Variants in FAT3 observed in about 807,000 individuals in gnomAD.
FAT3 encodes the protein protocadherin Fat 3.
A neutral mutation model predicts 310.2 loss-of-function variants in FAT3; 95 were observed. That is an observed-to-expected ratio of 0.31 (90% confidence interval 0.26 to 0.36). The LOEUF is 0.36. Among genes scored for constraint, FAT3 ranks in the 10% least tolerant of loss-of-function variants. The probability of loss-of-function intolerance (pLI) is 1.00; values close to 1 mark genes in which losing one functional copy is unlikely to be tolerated. For synonymous variants in FAT3, 2,314 were observed against 2,192.9 expected, an observed-to-expected ratio of 1.06 and a Z score of -1.54; for missense variants, 5,408 against 5,715.6, an observed-to-expected ratio of 0.95 and a Z score of 1.74.
rs868118978 is a variant in FAT3, at chr11:92,295,689, G to A, written c.-17-56407G>A. Among the ~76,000 whole-genome samples, 31 of 152,030 alleles carry A rather than the reference G, an allele frequency of 2.0e-4. No individual in the cohort carries two copies. In the Middle Eastern group the frequency reaches 0.02, roughly 100 times the overall value. ...TCTCTTCTTAAGGGAATGATTCATC[G>A]TCGGCAGGCATTTATTAATGTTTTT... On this transcript the variant is annotated intron_variant, in intron 1 of 27. Coordinates refer to ENST00000525166, the MANE Select transcript of FAT3 (RefSeq NM_001367949.2).
chr11:92,236,398 G>A (rs1337620626), intron 1 of FAT3, among the ~76,000 whole-genome samples: 3 of 150,462 alleles, frequency 2.0e-5, no homozygotes, highest in African/African-American at 7.3e-5. Context: ...CTTTTTTTTT[G>A]TTCAATTACA....
At chr11:92,871,400 C>G (rs934319773) in intron 22 of FAT3, among the ~76,000 whole-genome samples, 1 of 152,124 alleles carries the variant, frequency 6.6e-6, no homozygotes, top group Non-Finnish European at 1.5e-5. Context: ...TCTCAGATCC[C>G]ACCCCAAATC....
chr11:92,572,745 G>T (rs1938248785), intron 3 of FAT3, among the ~76,000 whole-genome samples: 1 of 152,074 alleles, frequency 6.6e-6, no homozygotes, highest in African/African-American at 2.4e-5. Flanking sequence ...CAGCCTATTG[G>T]GTTACCATGA....
rs150928952 is a variant in FAT3 at position 92,389,757 on chromosome 11, G to A, written c.3292+34353G>A. ...TAGAGGCACAGAGAAGGTAATTGCC[G>A]ATGATCACATGAGTGTCAGGGTACG... On this transcript the variant is annotated intron_variant, in intron 2 of 27. Transcript: ENST00000525166. Among the ~76,000 whole-genome samples the A allele has an allele frequency of 1.6e-4, 24 of 152,266 alleles. No homozygotes were observed. In the East Asian group the frequency reaches 4.2e-3, roughly 27 times the overall value.
chr11:92,867,472 C>T (rs1226626315), intron 22 of FAT3, among the ~76,000 whole-genome samples: 1 of 152,210 alleles, frequency 6.6e-6, no homozygotes, highest in Non-Finnish European at 1.5e-5. Context: ...TCAACTCTGC[C>T]CACTCCCCTG....
chr11:92,616,001 T>C (rs1188359075), intron 3 of FAT3, among the ~76,000 whole-genome samples: 1 of 152,226 alleles, frequency 6.6e-6, no homozygotes, highest in South Asian at 2.1e-4. Flanking sequence ...GTCCACTTGG[T>C]GCAGAGCTGA....
intron 1 of FAT3, among the ~76,000 whole-genome samples, chr11:92,315,463 GTGTGTGTGTGTGTGTGTATATATA>G: frequency 1.3e-5 from 1 of 78,334 alleles, no homozygotes; most frequent in African/African-American, 6.7e-5. Context: ...ATATGTGTGT[GTGTGTGTGTGTGTGTGTATATATA>G]TATATATATA....
intron 3 of FAT3, among the ~76,000 whole-genome samples, chr11:92,601,829 T>G (rs1390551407): frequency 6.6e-6 from 1 of 152,130 alleles, no homozygotes; most frequent in Admixed American, 6.5e-5. Flanking sequence ...CAAGGCTTGA[T>G]TCCCTCTGAA....
In FAT3 at chr11:92,794,463, C is replaced by T. The variant is rs549181977; in HGVS notation, c.4822+1486C>T. Among the ~76,000 whole-genome samples the T allele has an allele frequency of 3.9e-5, 6 of 152,212 alleles. No individual in the cohort carries two copies. The South Asian group carries it at 1.2e-3, about 32-fold the overall frequency. On this transcript the variant is annotated intron_variant, in intron 9 of 27. Transcript: ENST00000525166. ...CATGTTCTAAACATTAGCTGTGTGT[C>T]TCTACCTGCTTTTTATATTTGTCAT...
At chr11:92,784,314 G>A (rs1226309699) in intron 7 of FAT3, among the ~76,000 whole-genome samples, 1 of 152,214 alleles carries the variant, frequency 6.6e-6, no homozygotes. Context: ...GAGAATACAA[G>A]GGGCTTCACC....
intron 2 of FAT3, among the ~76,000 whole-genome samples, chr11:92,440,698 G>T (rs142523315): frequency 6.6e-6 from 1 of 152,112 alleles, no homozygotes; most frequent in Non-Finnish European, 1.5e-5. Context: ...TTTGGGAGGC[G>T]GTGAAAGGGA....
In FAT3 at chr11:92,843,819, G is replaced by A; in HGVS notation, c.10567-115G>A. On this transcript the variant is annotated intron_variant, in intron 18 of 27. Transcript: ENST00000525166. Reference sequence around the variant, plus strand: ...CAGCATTTTTCAGAATAGTGGCAAGGAATGAAGGAAGAAGCAAACGTAAAG... The same window carrying A: ...CAGCATTTTTCAGAATAGTGGCAAGAAATGAAGGAAGAAGCAAACGTAAAG... 3 of 990,828 alleles carry A rather than the reference G, an allele frequency of 3.0e-6. No individual in the cohort carries two copies. In the South Asian group the frequency reaches 4.8e-5, roughly 16 times the overall value. The allele number at this position is 990,828 out of a possible 1,614,324, so 61.4% of individuals were successfully genotyped here.
At chr11:92,685,624 GTTTA>G (rs1485170434) in intron 3 of FAT3, among the ~76,000 whole-genome samples, 1 of 149,974 alleles carries the variant, frequency 6.7e-6, no homozygotes, top group African/African-American at 2.4e-5. Context: ...TATTATTATA[GTTTA>G]TTTAGTCAAT....
Position 92,732,056 on chromosome 11 carries a change from T to G in FAT3, c.3670-29800T>G, listed in dbSNP as rs562085414. ...TGTATTCTAACTTCTGTTTTACTTT[T>G]TCCACTGGTTTTATTTTTGCCCTTG... On this transcript the variant is annotated intron_variant, in intron 4 of 27. Coordinates refer to ENST00000525166, the MANE Select transcript of FAT3 (RefSeq NM_001367949.2). Among the ~76,000 whole-genome samples, 3 of 152,320 alleles carry G rather than the reference T, an allele frequency of 2.0e-5. No individual in the cohort carries two copies. The East Asian group carries it at 5.8e-4, about 29-fold the overall frequency.
At chr11:92,712,751 T>C (rs1944562577) in intron 4 of FAT3, among the ~76,000 whole-genome samples, 1 of 152,234 alleles carries the variant, frequency 6.6e-6, no homozygotes, top group African/African-American at 2.4e-5. Context: ...TGTGTAACTA[T>C]AAATGCCTAA....
chr11:92,882,020 A>C (rs1169027373), intron 23 of FAT3, among the ~76,000 whole-genome samples: 1 of 152,134 alleles, frequency 6.6e-6, no homozygotes, highest in Non-Finnish European at 1.5e-5. Flanking sequence ...GTCAGAACCA[A>C]AGACTTTCCT....
intron 1 of FAT3, among the ~76,000 whole-genome samples, chr11:92,259,979 T>C (rs1865476877): frequency 1.3e-5 from 2 of 152,116 alleles, no homozygotes; most frequent in African/African-American, 4.8e-5. Flanking sequence ...GATAAGACAG[T>C]TTTACTTACC....
chr11:92,841,098 C>G (rs1256798964), intron 18 of FAT3, among the ~76,000 whole-genome samples: 1 of 152,174 alleles, frequency 6.6e-6, no homozygotes, highest in Non-Finnish European at 1.5e-5. Flanking sequence ...CTACCAATCC[C>G]TGTCATAAGG....
intron 3 of FAT3, among the ~76,000 whole-genome samples, chr11:92,566,382 G>A (rs1172079217): frequency 3.9e-5 from 6 of 151,908 alleles, no homozygotes; most frequent in Admixed American, 1.3e-4. Context: ...CAATGAAATA[G>A]AAGAGGATAC....
Sources: allele counts gnomAD v4.1 joint callset (sites outside exome capture counted in the v4.1 genomes callset), GRCh38; gene constraint gnomAD v4.1.1; transcripts MANE v1.5; gene names NCBI Gene and HGNC (gene_info 2026-07-23, HGNC 2026-07-21).